Variants in CPNE4 observed in about 807,000 individuals in gnomAD.
CPNE4 encodes copine-4.
CPNE4 carries 25 observed loss-of-function variants against 67.9 expected under a neutral mutation model. The observed-to-expected ratio is 0.37, with a 90% CI of 0.27 to 0.51. The LOEUF (loss-of-function observed/expected upper bound fraction) is 0.51. CPNE4 is among the 20% of genes least tolerant of loss of function. CPNE4 has a pLI of 0.93. For missense variants in CPNE4, 464 were observed against 690.8 expected, an observed-to-expected ratio of 0.67 and a Z score of 3.68; for synonymous variants, 242 against 244.9, an observed-to-expected ratio of 0.99 and a Z score of 0.11.
At chr3:131,905,848 T>C (rs1219551332) in intron 1 of CPNE4, among the ~76,000 whole-genome samples, 1 of 152,190 alleles carries the variant, frequency 6.6e-6, no homozygotes, top group South Asian at 2.1e-4. Flanking sequence ...TTTTCAAGAC[T>C]AAAAATCCAA....
chr3:131,964,318 C>T (rs1434525559), intron 1 of CPNE4, among the ~76,000 whole-genome samples: 2 of 152,056 alleles, frequency 1.3e-5, no homozygotes, highest in Non-Finnish European at 2.9e-5. Context: ...CTTATCTCCT[C>T]CAAATGATCG....
At chr3:131,613,322 T>C (rs1939955040) in intron 7 of CPNE4, among the ~76,000 whole-genome samples, 3 of 152,172 alleles carry the variant, frequency 2.0e-5, no homozygotes, top group African/African-American at 7.2e-5. Context: ...CAAGTCCTTC[T>C]AGTTTCTTGT....
intron 1 of CPNE4, among the ~76,000 whole-genome samples, chr3:131,982,932 A>G (rs570537930): frequency 6.6e-6 from 1 of 152,220 alleles, no homozygotes; most frequent in Admixed American, 6.5e-5. Flanking sequence ...TTAAAGTGAT[A>G]GATAACATTG....
intron 1 of CPNE4, among the ~76,000 whole-genome samples, chr3:131,956,237 T>C (rs1203274055): frequency 6.6e-6 from 1 of 152,204 alleles, no homozygotes; most frequent in Non-Finnish European, 1.5e-5. Context: ...TTAGAGTTGA[T>C]GCCTTTTTTT....
chr3:131,535,413 G>T (rs1390106002), intron 15 of CPNE4, 84 bp from the exon 16 acceptor site: 2 of 1,383,052 alleles, frequency 1.4e-6, no homozygotes, highest in South Asian at 1.5e-5. Context: ...CCTGCTCTGG[G>T]CAGCTAAGTT....
chr3:131,557,890 T>G (rs1272241316), intron 11 of CPNE4, among the ~76,000 whole-genome samples: 1 of 151,952 alleles, frequency 6.6e-6, no homozygotes, highest in African/African-American at 2.4e-5. Context: ...ATCCTGGTCC[T>G]TCACACTCGA....
chr3:131,840,100 G>A (rs2085714799), intron 2 of CPNE4, among the ~76,000 whole-genome samples: 1 of 152,094 alleles, frequency 6.6e-6, no homozygotes, highest in South Asian at 2.1e-4. Context: ...TTAGTAAAGG[G>A]AAAAGCCACA....
At chr3:131,745,789 T>A (rs1942371119) in intron 2 of CPNE4, among the ~76,000 whole-genome samples, 1 of 152,146 alleles carries the variant, frequency 6.6e-6, no homozygotes, top group South Asian at 2.1e-4. Context: ...ACAGTCTTGA[T>A]TACTGTTGCT....
At chr3:131,726,694 C>T (rs998176012) in intron 2 of CPNE4, among the ~76,000 whole-genome samples, 5 of 127,686 alleles carry the variant, frequency 3.9e-5, no homozygotes, top group African/African-American at 1.6e-4. Context: ...CTTACTGGTG[C>T]TACCAGCTGC....
At chr3:131,827,328 T>C (rs2085202054) in intron 2 of CPNE4, among the ~76,000 whole-genome samples, 1 of 150,898 alleles carries the variant, frequency 6.6e-6, no homozygotes, top group Admixed American at 6.6e-5. Flanking sequence ...ATGACTTTAA[T>C]GTACATCTAT....
chr3:131,862,800 T>C (rs2107672240), intron 2 of CPNE4, among the ~76,000 whole-genome samples: 2 of 152,250 alleles, frequency 1.3e-5, no homozygotes, highest in East Asian at 3.9e-4. Flanking sequence ...GTTGGTGTGC[T>C]GCACCCATTA....
intron 1 of CPNE4, among the ~76,000 whole-genome samples, chr3:131,931,937 A>G (rs990274578): frequency 2.0e-5 from 3 of 152,184 alleles, no homozygotes; most frequent in Non-Finnish European, 4.4e-5. Flanking sequence ...TACAGCTCCA[A>G]GTTTATTGAC....
chr3:131,534,987 A>G lies in CPNE4; in HGVS notation c.*208T>C, dbSNP rs1037534591. The G allele has an allele frequency of 2.6e-6, 1 of 387,564 alleles. No individual in the cohort carries two copies. The highest frequency in any genetic ancestry group is 4.5e-6 in the Non-Finnish European group (1 of 219,842). 24.0% of individuals were successfully genotyped at this position (387,564 alleles called of 1,614,324 possible). A position where few individuals can be genotyped will look rare whatever the true frequency, so the allele number is the denominator to read the frequency against. On this transcript the variant is annotated 3_prime_UTR_variant, in exon 16 of 16. Coordinates refer to ENST00000429747, the MANE Select transcript of CPNE4 (RefSeq NM_130808.3). Reference sequence around the variant, plus strand: ...TATTGTTATCTGTGTTTCTTTGTAAAAAGTTAACAATACAAGGGCTTAACA... The same window carrying G: ...TATTGTTATCTGTGTTTCTTTGTAAGAAGTTAACAATACAAGGGCTTAACA...
intron 1 of CPNE4, among the ~76,000 whole-genome samples, chr3:131,998,897 A>C (rs2073360160): frequency 6.6e-6 from 1 of 152,106 alleles, no homozygotes; most frequent in Non-Finnish European, 1.5e-5. Context: ...ATAGTAGTAA[A>C]CAGGTCCTAT....
chr3:131,609,658 A>C (rs1939714428), intron 7 of CPNE4, among the ~76,000 whole-genome samples: 1 of 152,210 alleles, frequency 6.6e-6, no homozygotes, highest in Non-Finnish European at 1.5e-5. Flanking sequence ...TAAATGATAC[A>C]TGTAAGGGAA....
intron 11 of CPNE4, among the ~76,000 whole-genome samples, chr3:131,560,812 T>C (rs1209486606): frequency 1.3e-5 from 2 of 151,982 alleles, no homozygotes; most frequent in African/African-American, 4.8e-5. Context: ...AATTCTAATT[T>C]CCAGGATGCA....
chr3:131,976,629 A>T (rs1337124555), intron 1 of CPNE4, among the ~76,000 whole-genome samples: 3 of 152,154 alleles, frequency 2.0e-5, no homozygotes, highest in Non-Finnish European at 2.9e-5. Context: ...ATAAAAAAAG[A>T]TCAAGGAAAT....
intron 7 of CPNE4, among the ~76,000 whole-genome samples, chr3:131,633,531 TCTAA>T (rs35878879): frequency 0.27 from 41,555 of 151,764 alleles, 9,383 homozygotes; most frequent in African/African-American, 0.62. Flanking sequence ...CAACTGAATC[TCTAA>T]CTAAAAATTT....
At chr3:131,694,872 T>C (rs1009841919) in intron 5 of CPNE4, among the ~76,000 whole-genome samples, 1 of 152,188 alleles carries the variant, frequency 6.6e-6, no homozygotes, top group South Asian at 2.1e-4. Context: ...TGAACCCTGA[T>C]TGAATTTCTG....
Sources: allele counts gnomAD v4.1 joint callset (sites outside exome capture counted in the v4.1 genomes callset), GRCh38; gene constraint gnomAD v4.1.1; transcripts MANE v1.5; gene names NCBI Gene and HGNC (gene_info 2026-07-23, HGNC 2026-07-21).